RRP15: variants seen among roughly 807,000 people sequenced by gnomAD.
RRP15 encodes the protein RRP15-like protein.
RRP15 carries 18 observed loss-of-function variants against 27.1 expected under a neutral mutation model. That is an observed-to-expected ratio of 0.66 (90% confidence interval 0.46 to 0.98). RRP15 has a LOEUF of 0.98. Ranked by LOEUF, RRP15 falls within the 50% of genes least tolerant of loss-of-function variation. The pLI is 0.00. For synonymous variants in RRP15, 107 were observed against 109.4 expected (o/e 0.98, Z 0.14); for missense variants, 359 against 337.8 (o/e 1.06, Z -0.49).
chr1:218,306,924 G>A (rs1655908541), intron 3 of RRP15, among the ~76,000 whole-genome samples: 2 of 152,152 alleles, frequency 1.3e-5, no homozygotes, highest in South Asian at 4.1e-4. Context: ...CACATTTCAA[G>A]TGCTCACTAG....
chr1:218,291,688 C>T (rs970654155), intron 1 of RRP15, among the ~76,000 whole-genome samples: 4 of 151,734 alleles, frequency 2.6e-5, no homozygotes, highest in African/African-American at 7.2e-5. Flanking sequence ...CGTGCCACCA[C>T]GCCCGGCTAA....
intron 4 of RRP15, among the ~76,000 whole-genome samples, chr1:218,320,739 GA>G (rs1656174799): frequency 6.7e-6 from 1 of 149,654 alleles, no homozygotes; most frequent in South Asian, 2.1e-4. Context: ...GGCCGTAAAT[GA>G]AATTAAAACA....
In RRP15 at chr1:218,331,087, C is replaced by A; in HGVS notation, c.845C>A (p.Thr282Lys). The part of the protein sequence containing the change: ...SRPESASDSD[T>K] The stretch of plus-strand genomic sequence containing the variant: ...CCAGAATCTGCAAGTGACTCTGATA[C>A]ATAAAGCATCATAGGAAATACAATT... Residue 282 changes from threonine (T) to lysine (K), a missense_variant, in exon 5 of 5, where the codon ACA (threonine) becomes AAA (lysine). By Grantham distance (78) the Thr-to-Lys change is moderately conservative. Coordinates refer to ENST00000366932, the MANE Select transcript of RRP15 (RefSeq NM_016052.4). 4 of 1,607,986 alleles carry A rather than the reference C, an allele frequency of 2.5e-6. No individual in the cohort carries two copies. Among genetic ancestry groups the A allele is most frequent in the East Asian group, 2.2e-5 (1 of 44,784 alleles).
intron 1 of RRP15, among the ~76,000 whole-genome samples, chr1:218,286,103 ACTTCCTACTGCCCAG>A (rs1655541568): frequency 6.6e-6 from 1 of 152,192 alleles, no homozygotes; most frequent in Non-Finnish European, 1.5e-5. Flanking sequence ...GTAATCCCTG[ACTTCCTACTGCCCAG>A]TTATTGCTCC....
rs1179455903 is a variant in RRP15 at position 218,336,754 on chromosome 1, T to C, written c.*5663T>C. The C allele has an allele frequency of 6.6e-6, 1 of 152,188 alleles. No individual in the cohort carries two copies. Among genetic ancestry groups the C allele is most frequent in the African/African-American group, 2.4e-5 (1 of 41,432 alleles). 9.4% of individuals were successfully genotyped at this position (152,188 alleles called of 1,614,324 possible). A position where few individuals can be genotyped will look rare whatever the true frequency, so the allele number is the denominator to read the frequency against. ...TTTGTACAGCAACACTGGGTTCTCT[T>C]AAGTATATTATAAATATAAAAGCTC... On this transcript the variant is annotated 3_prime_UTR_variant, in exon 5 of 5. Transcript: ENST00000366932.
chr1:218,287,130 A>C (rs79071454), intron 1 of RRP15, among the ~76,000 whole-genome samples: 1 of 146,856 alleles, frequency 6.8e-6, no homozygotes, highest in Non-Finnish European at 1.5e-5. Flanking sequence ...GTACCTGGCT[A>C]ATTTTTTTTT....
At position 218,307,602 on chromosome 1, in the gene RRP15, T is replaced by C. The variant is rs760391864; in HGVS notation, c.675T>C (p.Ala225=). 6.2e-7 allele frequency: 1 copy of C among 1,613,938 alleles called. No homozygotes were observed. Among genetic ancestry groups the C allele is most frequent in the South Asian group, 1.1e-5 (1 of 91,058 alleles). Residue 225 remains alanine (A), a synonymous_variant, in exon 4 of 5, where the codon GCT becomes GCC. Coordinates refer to ENST00000366932, the MANE Select transcript of RRP15 (RefSeq NM_016052.4). ...TGGATGGAAGTACAAATGAGACTGC[T>C]TCAAGCAGGAAGAAACCAAAAGCCA... ...RGMDGSTNET[A]SSRKKPKAKQ...
chr1:218,314,671 G>A (rs916374421), intron 4 of RRP15, among the ~76,000 whole-genome samples: 8 of 151,874 alleles, frequency 5.3e-5, no homozygotes, highest in Non-Finnish European at 2.9e-5. Context: ...TTTATAGTAA[G>A]GGAAAATGCT....
At chr1:218,306,090 C>T (rs577102535) in intron 3 of RRP15, among the ~76,000 whole-genome samples, 6 of 152,170 alleles carry the variant, frequency 3.9e-5, no homozygotes, top group Admixed American at 1.3e-4. Flanking sequence ...ATGTCCTAGG[C>T]GCCTCCCTTT....
intron 4 of RRP15, among the ~76,000 whole-genome samples, chr1:218,317,726 C>CA: frequency 8.3e-6 from 1 of 119,776 alleles, no homozygotes; most frequent in Admixed American, 8.6e-5. Context: ...GCCCCACACC[C>CA]TTTTTTTTTT....
rs575880550 is a variant in RRP15, at chr1:218,335,295, A to C, written c.*4204A>C. 6.6e-6 allele frequency: 1 copy of C among 152,292 alleles called. No individual in the cohort carries two copies. The highest frequency in any genetic ancestry group is 6.5e-5 in the Admixed American group (1 of 15,298). The allele number at this position is 152,292 out of a possible 1,614,324, so 9.4% of individuals were successfully genotyped here. A position where few individuals can be genotyped will look rare whatever the true frequency, so the allele number is the denominator to read the frequency against. On this transcript the variant is annotated 3_prime_UTR_variant, in exon 5 of 5. Transcript: ENST00000366932. The stretch of plus-strand genomic sequence containing the variant: ...GCTTTCTTAAAATACCTGTTCCAAC[A>C]TTGCTCACCTTTCTTCTCCCTCCTT...
chr1:218,335,260 A>G lies in RRP15; in HGVS notation c.*4169A>G, dbSNP rs1241322033. The stretch of plus-strand genomic sequence containing the variant: ...CCTAGAGATGCGGTAAACCTTTTAA[A>G]TTTAAATTTGCTTTCTTAAAATACC... On this transcript the variant is annotated 3_prime_UTR_variant, in exon 5 of 5. Coordinates refer to ENST00000366932, the MANE Select transcript of RRP15 (RefSeq NM_016052.4). The G allele has an allele frequency of 1.3e-5, 2 of 152,126 alleles. No individual in the cohort carries two copies. The highest frequency in any genetic ancestry group is 2.9e-5 in the Non-Finnish European group (2 of 68,026). The allele number at this position is 152,126 out of a possible 1,614,324, so 9.4% of individuals were successfully genotyped here.
chr1:218,311,394 A>G (rs1655993971), intron 4 of RRP15, among the ~76,000 whole-genome samples: 1 of 152,210 alleles, frequency 6.6e-6, no homozygotes, highest in East Asian at 1.9e-4. Context: ...ACTGCTGAGC[A>G]AAATAATATA....
chr1:218,320,738 T>C (rs1656174737), intron 4 of RRP15, among the ~76,000 whole-genome samples: 1 of 151,236 alleles, frequency 6.6e-6, no homozygotes, highest in South Asian at 2.1e-4. Flanking sequence ...GGGCCGTAAA[T>C]GAAATTAAAA....
At chr1:218,305,178 T>C in intron 3 of RRP15, 53 bp downstream of exon 3, 1 of 1,381,756 alleles carries the variant, frequency 7.2e-7, no homozygotes, top group South Asian at 1.2e-5. Flanking sequence ...GCTATCATAG[T>C]GGTTCTATTT....
intron 4 of RRP15, among the ~76,000 whole-genome samples, chr1:218,325,181 A>G (rs1277332678): frequency 3.3e-5 from 5 of 152,198 alleles, no homozygotes; most frequent in African/African-American, 9.7e-5. Context: ...TGTCATGGTG[A>G]TGACCGCTTT....
chr1:218,317,265 C>A (rs1412525576), intron 4 of RRP15, among the ~76,000 whole-genome samples: 3 of 152,208 alleles, frequency 2.0e-5, no homozygotes, highest in African/African-American at 4.8e-5. Flanking sequence ...CTAGCGTATG[C>A]TTTGTGCCAG....
intron 1 of RRP15, among the ~76,000 whole-genome samples, chr1:218,291,965 G>A (rs990101034): frequency 6.6e-6 from 1 of 151,968 alleles, no homozygotes; most frequent in East Asian, 1.9e-4. Flanking sequence ...AGCCTCCAAA[G>A]TAGCTAGGAC....
At chr1:218,316,173 A>AAAATATGG (rs2102508490) in intron 4 of RRP15, among the ~76,000 whole-genome samples, 1 of 152,324 alleles carries the variant, frequency 6.6e-6, no homozygotes, top group South Asian at 2.1e-4. Context: ...TGACTTATGG[A>AAAATATGG]AAATATGGAT....
Sources: allele counts gnomAD v4.1 joint callset (sites outside exome capture counted in the v4.1 genomes callset), GRCh38; gene constraint gnomAD v4.1.1; transcripts MANE v1.5; gene names NCBI Gene and HGNC (gene_info 2026-07-23, HGNC 2026-07-21).